Variants in ARHGAP28 observed in about 807,000 individuals in gnomAD.
ARHGAP28 encodes rho GTPase-activating protein 28.
ARHGAP28 carries 56 observed loss-of-function variants against 90.7 expected under a neutral mutation model. The ratio of observed to expected loss-of-function variants is 0.62; its 90% CI spans 0.50 to 0.77. The LOEUF is 0.77. Among genes scored for constraint, ARHGAP28 ranks in the 30% least tolerant of loss-of-function variants. The probability of loss-of-function intolerance (pLI) is 0.00; values close to 1 mark genes in which losing one functional copy is unlikely to be tolerated. For synonymous variants in ARHGAP28, 308 were observed against 323.3 expected (o/e 0.95, Z 0.51); for missense variants, 869 against 900.9 (o/e 0.96, Z 0.45).
chr18:6,880,996 A>C (rs2057173575), intron 10 of ARHGAP28, among the ~76,000 whole-genome samples: 1 of 152,228 alleles, frequency 6.6e-6, no homozygotes, highest in Non-Finnish European at 1.5e-5. Context: ...TGATTAGCCA[A>C]AGTATTCCTA....
At chr18:6,861,174 A>G (rs1560474) in intron 5 of ARHGAP28, among the ~76,000 whole-genome samples, 132,053 of 152,208 alleles carry the variant, frequency 0.87, 57,593 homozygotes, top group Non-Finnish European at 0.92. Flanking sequence ...ATCTTCCACC[A>G]CAGCTTGTGG....
intron 4 of ARHGAP28, among the ~76,000 whole-genome samples, chr18:6,855,534 A>T (rs2056945940): frequency 6.6e-6 from 1 of 151,844 alleles, no homozygotes; most frequent in African/African-American, 2.4e-5. Flanking sequence ...TCACCCTCCC[A>T]TTGTCCGTGT....
intron 5 of ARHGAP28, among the ~76,000 whole-genome samples, chr18:6,861,280 C>G (rs1406549418): frequency 3.3e-5 from 5 of 152,212 alleles, no homozygotes; most frequent in African/African-American, 9.7e-5. Context: ...TGAATTTCAT[C>G]ATGTGAATGG....
intron 1 of ARHGAP28, among the ~76,000 whole-genome samples, chr18:6,768,629 G>A (rs1481019127): frequency 6.6e-6 from 1 of 152,142 alleles, no homozygotes; most frequent in Non-Finnish European, 1.5e-5. Flanking sequence ...CTGCACATGA[G>A]TGACTTAATA....
At chr18:6,841,161 CTCTCTCCTCTCTCTCTCTCCTCTCTCTCT>C (rs2056810110) in intron 3 of ARHGAP28, among the ~76,000 whole-genome samples, 1 of 103,698 alleles carries the variant, frequency 9.6e-6, no homozygotes, top group Non-Finnish European at 2.1e-5. Flanking sequence ...TCCTCTTTCT[CTCTCTCCTCTCTCTCTCTCCTCTCTCTCT>C]CTCTCTCTCT....
intron 3 of ARHGAP28, among the ~76,000 whole-genome samples, chr18:6,847,822 C>T (rs1163270240): frequency 6.6e-6 from 1 of 152,112 alleles, no homozygotes; most frequent in Non-Finnish European, 1.5e-5. Context: ...TAGTCCTACC[C>T]ATGGCTGGAA....
chr18:6,869,351 C>G (rs755149089), intron 6 of ARHGAP28, among the ~76,000 whole-genome samples: 31 of 140,464 alleles, frequency 2.2e-4, no homozygotes, highest in Middle Eastern at 4.5e-3. Context: ...GCCTCTGCCT[C>G]TTGAGTTCAA....
intron 2 of ARHGAP28, among the ~76,000 whole-genome samples, chr18:6,829,626 C>A (rs891807822): frequency 6.6e-6 from 1 of 152,162 alleles, no homozygotes; most frequent in Non-Finnish European, 1.5e-5. Flanking sequence ...TCAGTCAACC[C>A]AGAAAATTTC....
intron 4 of ARHGAP28, among the ~76,000 whole-genome samples, chr18:6,855,169 A>G (rs1198921616): frequency 2.6e-5 from 4 of 152,182 alleles, no homozygotes; most frequent in Non-Finnish European, 5.9e-5. Flanking sequence ...GTACCTGGTG[A>G]AACCTCACCT....
intron 3 of ARHGAP28, among the ~76,000 whole-genome samples, chr18:6,839,640 C>T (rs975752658): frequency 6.6e-6 from 1 of 152,108 alleles, no homozygotes; most frequent in Non-Finnish European, 1.5e-5. Context: ...TCTAAGTCAG[C>T]CTCCCCCTTC....
intron 12 of ARHGAP28, among the ~76,000 whole-genome samples, chr18:6,889,246 T>C (rs963781179): frequency 1.3e-5 from 2 of 152,218 alleles, no homozygotes; most frequent in East Asian, 1.9e-4. Context: ...AGCAAACTTA[T>C]ATTAAGCTTT....
At chr18:6,878,166 T>TA (rs1427769317) in intron 10 of ARHGAP28, among the ~76,000 whole-genome samples, 1 of 151,888 alleles carries the variant, frequency 6.6e-6, no homozygotes, top group African/African-American at 2.4e-5. Flanking sequence ...TATGCAGCCA[T>TA]AAAAAATGAT....
rs1416385775 is a variant in ARHGAP28, at chr18:6,841,178, C to G, written c.543+3764C>G. On this transcript the variant is annotated intron_variant, in intron 3 of 17. Coordinates refer to ENST00000383472, the MANE Select transcript of ARHGAP28 (RefSeq NM_001366230.1). ...CTCTTTCTCTCTCTCCTCTCTCTCT[C>G]TCCTCTCTCTCTCTCTCTCTCTCTC... Among the ~76,000 whole-genome samples, 6 of 69,488 alleles carry G rather than the reference C, an allele frequency of 8.6e-5. No individual in the cohort carries two copies. The South Asian group carries it at 1.7e-3, about 20-fold the overall frequency. 45.6% of individuals were successfully genotyped at this position (69,488 alleles called of 152,430 possible). A position where few individuals can be genotyped will look rare whatever the true frequency, so the allele number is the denominator to read the frequency against.
intron 5 of ARHGAP28, among the ~76,000 whole-genome samples, chr18:6,867,936 T>C (rs2057050502): frequency 3.3e-5 from 5 of 152,212 alleles, no homozygotes; most frequent in Admixed American, 3.3e-4. Flanking sequence ...ATATGGACCT[T>C]ACATTGTTCC....
At position 6,824,572 on chromosome 18, in the gene ARHGAP28, G is replaced by A. The variant is rs72876515; in HGVS notation, c.123-190G>A. ...TTTAAAAAATTAAAAAATAAATAAA[G>A]TATAGAGAATTTTTTTAAAAGGGCC... On this transcript the variant is annotated intron_variant, in intron 1 of 17. Coordinates refer to ENST00000383472, the MANE Select transcript of ARHGAP28 (RefSeq NM_001366230.1). Among the ~76,000 whole-genome samples the A allele has an allele frequency of 7.6e-3, 1,160 of 152,072 alleles. 11 individuals are homozygous for A. Among genetic ancestry groups the A allele is most frequent in the Non-Finnish European group, 0.012 (843 of 67,964 alleles).
At chr18:6,858,128 A>G (rs779918430) in intron 4 of ARHGAP28, among the ~76,000 whole-genome samples, 18 of 151,992 alleles carry the variant, frequency 1.2e-4, no homozygotes, top group Non-Finnish European at 2.2e-4. Context: ...CCAAGGCAAC[A>G]ATTTCATTTA....
chr18:6,836,935 A>T (rs1290187735), intron 2 of ARHGAP28, among the ~76,000 whole-genome samples: 2 of 152,178 alleles, frequency 1.3e-5, no homozygotes, highest in African/African-American at 4.8e-5. Flanking sequence ...AGTAGGACAG[A>T]TATGGCTCAT....
At position 6,729,744 on chromosome 18, in the gene ARHGAP28, G is replaced by A; in HGVS notation, c.-78G>A. The A allele has an allele frequency of 7.8e-7, 1 of 1,281,656 alleles. No homozygotes were observed. The highest frequency in any genetic ancestry group is 3.2e-5 in the East Asian group (1 of 31,160). The allele number at this position is 1,281,656 out of a possible 1,614,324, so 79.4% of individuals were successfully genotyped here. A position where few individuals can be genotyped will look rare whatever the true frequency, so the allele number is the denominator to read the frequency against. On this transcript the variant is annotated 5_prime_UTR_variant, in exon 1 of 18. Transcript: ENST00000383472. The stretch of plus-strand genomic sequence containing the variant: ...CCTCGGGCCGCGCCGCCCAGCTGCT[G>A]ACAGCCTCCCGGCGCGCCGGTCCAT...
At chr18:6,735,012 G>A (rs1372593042) in intron 1 of ARHGAP28, among the ~76,000 whole-genome samples, 2 of 152,162 alleles carry the variant, frequency 1.3e-5, no homozygotes, top group Admixed American at 6.5e-5. Flanking sequence ...TATTTGGCCA[G>A]TTGCTCTATC....
Sources: gnomAD v4.1 joint callset for allele counts (sites outside exome capture counted in the v4.1 genomes callset) on GRCh38, gnomAD v4.1.1 for gene constraint, MANE v1.5 for transcripts, NCBI Gene and HGNC (gene_info 2026-07-23, HGNC 2026-07-21) for gene names.